The following PCDHA8 variants were observed in gnomAD, a reference collection of about 807,000 sequenced individuals.
PCDHA8 encodes the protein protocadherin alpha 8, also known as protocadherin alpha-8.
In PCDHA8, 53 loss-of-function variants were observed where a neutral mutation model predicts 61.8. That is an observed-to-expected ratio of 0.86 (90% CI 0.69 to 1.08). PCDHA8 has a LOEUF of 1.08. Among genes scored for constraint, PCDHA8 ranks in the 50% least tolerant of loss-of-function variants. PCDHA8 has a pLI of 0.00. For synonymous variants in PCDHA8, 618 were observed against 556.6 expected (o/e 1.11, Z -1.55); for missense variants, 1,293 against 1,245.0 (o/e 1.04, Z -0.58).
intron 1 of PCDHA8, among the ~76,000 whole-genome samples, chr5:140,946,879 G>A (rs246051): frequency 0.56 from 84,931 of 150,730 alleles, 24,535 homozygotes; most frequent in African/African-American, 0.69. Flanking sequence ...CAATGGGTAC[G>A]AAGTTACAAT....
intron 1 of PCDHA8, among the ~76,000 whole-genome samples, chr5:140,910,787 T>G (rs566298433): frequency 2.0e-5 from 3 of 152,196 alleles, no homozygotes; most frequent in Non-Finnish European, 4.4e-5. Flanking sequence ...CAACATTAAA[T>G]GCAGAATCCC....
At position 140,843,279 on chromosome 5, in the gene PCDHA8, A is replaced by T. The variant is rs1778750894; in HGVS notation, c.1958A>T (p.Asp653Val). 3.8e-6 allele frequency: 6 copies of T among 1,595,936 alleles called. 2 individuals carry two copies. Among genetic ancestry groups the T allele is most frequent in the Non-Finnish European group, 4.3e-6 (5 of 1,165,554 alleles). The change falls in exon 1 of 4, where the codon GAT becomes GTT. Residue 653 changes from aspartate (D) to valine (V), a missense_variant. By Grantham distance (152) the Asp-to-Val change is radical. Coordinates refer to ENST00000531613, the MANE Select transcript of PCDHA8 (RefSeq NM_018911.3). The part of the protein sequence containing the change: ...PRHRLLVLVK[D>V]HGEPALTATA... ...CACCGTCTGCTGGTCCTGGTGAAGGATCATGGTGAACCTGCGCTGACCGCC... is the reference window on the plus strand; with the variant it reads ...CACCGTCTGCTGGTCCTGGTGAAGGTTCATGGTGAACCTGCGCTGACCGCC...
Position 140,855,317 on chromosome 5 carries a change from G to A in PCDHA8, c.2394+11602G>A, listed in dbSNP as rs568738789. Among the ~76,000 whole-genome samples, 68 of 149,944 alleles carry A rather than the reference G, an allele frequency of 4.5e-4. 6 individuals are homozygous for A. Among genetic ancestry groups the A allele is most frequent in the African/African-American group, 1.6e-3 (65 of 40,966 alleles). The stretch of plus-strand genomic sequence containing the variant: ...CCAAAGTTATAAAATTGGAACATGA[G>A]GGAGGGAGAGGTTAAACGATTTTCC... On this transcript the variant is annotated intron_variant, in intron 1 of 3. Transcript: ENST00000531613.
In PCDHA8 at chr5:140,842,440, C is replaced by A. The variant is rs1777947165; in HGVS notation, c.1119C>A (p.Ser373Arg). Residue 373 changes from serine (S) to arginine (R), a missense_variant, in exon 1 of 4, where the codon AGC (serine) becomes AGA (arginine). Coordinates refer to ENST00000531613, the MANE Select transcript of PCDHA8 (RefSeq NM_018911.3). ...TTGGTACTGTCATCGCCCTAATTAG[C>A]GTGAACGACCTCGATTCAGGTGCCA... ...AQFGTVIALISVNDLDSGANG... is the reference protein window; with the variant it reads ...AQFGTVIALIRVNDLDSGANG... The A allele has an allele frequency of 1.9e-6, 3 of 1,613,638 alleles. No homozygotes were observed. The South Asian group carries it at 3.3e-5, about 18-fold the overall frequency.
At chr5:140,869,258 TG>T in intron 1 of PCDHA8, 1 of 1,613,558 alleles carries the variant, frequency 6.2e-7, no homozygotes, top group Non-Finnish European at 8.5e-7. Context: ...GCGCAGGACC[TG>T]GGGCTGGAGC....
intron 1 of PCDHA8, among the ~76,000 whole-genome samples, chr5:140,964,670 G>A (rs2095847592): frequency 6.6e-6 from 1 of 151,912 alleles, no homozygotes; most frequent in Non-Finnish European, 1.5e-5. Context: ...CACAGGCCAG[G>A]TCCACAATTT....
intron 1 of PCDHA8, chr5:140,859,420 CT>C (rs2045858037): frequency 8.6e-6 from 2 of 233,034 alleles, no homozygotes; most frequent in Non-Finnish European, 8.1e-6. Context: ...ATGATATAGA[CT>C]CAGAAATGAA....
At chr5:140,876,173 A>T (rs369965805) in intron 1 of PCDHA8, 66 of 1,613,862 alleles carry the variant, frequency 4.1e-5, no homozygotes, top group Middle Eastern at 1.6e-4. Context: ...ACCGTCCTGG[A>T]TGTGAATGAC....
rs116072877 is a variant in PCDHA8 at position 140,927,686 on chromosome 5, A to G, written c.2395-51263A>G. On this transcript the variant is annotated intron_variant, in intron 1 of 3. Transcript: ENST00000531613. ...GCCTTGGATCCAGATGAAGGGTCCA[A>G]TGGGGAAGTCCAGTACTCCCTAAGC... 796 of 1,614,196 alleles carry G rather than the reference A, an allele frequency of 4.9e-4. 3 individuals carry two copies. The African/African-American group carries it at 7.7e-3, about 16-fold the overall frequency.
chr5:140,914,769 T>C (rs2076832006), intron 1 of PCDHA8, among the ~76,000 whole-genome samples: 1 of 152,160 alleles, frequency 6.6e-6, no homozygotes, highest in South Asian at 2.1e-4. Flanking sequence ...ATGAGGTTTA[T>C]GACTTATCTT....
At chr5:140,876,292 A>G in intron 1 of PCDHA8, 1 of 1,614,080 alleles carries the variant, frequency 6.2e-7, no homozygotes, top group Non-Finnish European at 8.5e-7. Context: ...CGAAGGACTT[A>G]ATGGAGAAAT....
intron 1 of PCDHA8, among the ~76,000 whole-genome samples, chr5:140,959,306 T>C (rs1554224009): frequency 6.6e-6 from 1 of 152,072 alleles, no homozygotes. Flanking sequence ...AGCCCGGTGG[T>C]TGAAGCTGCA....
rs2098416892 is a variant in PCDHA8, at chr5:141,010,305, G to A, written c.*368G>A. ...TGACACTTGCAGGGCAGGCTGAAAA[G>A]TTTTGAGATTGAGCAGCTTGGGAGT... is the stretch of plus-strand genomic sequence containing the variant. On this transcript the variant is annotated 3_prime_UTR_variant, in exon 4 of 4. Coordinates refer to ENST00000531613, the MANE Select transcript of PCDHA8 (RefSeq NM_018911.3). 1 of 1,548,478 alleles carries A rather than the reference G, an allele frequency of 6.5e-7. No individual in the cohort carries two copies. The highest frequency in any genetic ancestry group is 2.4e-5 in the East Asian group (1 of 40,890).
At chr5:140,922,139 C>T (rs2080663133) in intron 1 of PCDHA8, among the ~76,000 whole-genome samples, 1 of 151,854 alleles carries the variant, frequency 6.6e-6, no homozygotes, top group South Asian at 2.1e-4. Flanking sequence ...TCTTATCCTC[C>T]ATGAAACTCA....
intron 1 of PCDHA8, chr5:140,930,231 A>C (rs1234850185): frequency 6.6e-6 from 1 of 152,238 alleles, no homozygotes; most frequent in South Asian, 2.1e-4. Context: ...TGCACTTACC[A>C]TCCAAAGTCC....
At chr5:140,851,486 C>T in intron 1 of PCDHA8, 1 of 886,580 alleles carries the variant, frequency 1.1e-6, no homozygotes, top group Non-Finnish European at 1.4e-6. Flanking sequence ...ATAAACACAG[C>T]CTTCATTTCA....
At chr5:140,956,331 C>T (rs1554222358) in intron 1 of PCDHA8, among the ~76,000 whole-genome samples, 1 of 152,064 alleles carries the variant, frequency 6.6e-6, no homozygotes, top group Non-Finnish European at 1.5e-5. Flanking sequence ...TCCTTCAATA[C>T]CTAGTTTATT....
intron 3 of PCDHA8, among the ~76,000 whole-genome samples, chr5:140,990,426 G>A (rs3756324): frequency 0.3 from 46,292 of 152,022 alleles, 7,253 homozygotes; most frequent in East Asian, 0.43. Flanking sequence ...AACCAGCATT[G>A]ACCCAATCTT....
intron 3 of PCDHA8, 63 bp downstream of exon 3, chr5:140,982,626 T>C (rs782343298): frequency 2.5e-5 from 39 of 1,581,800 alleles, no homozygotes; most frequent in Non-Finnish European, 2.8e-5. Context: ...TGACCTACTT[T>C]TGTAAGATCA....
Sources: allele counts gnomAD v4.1 joint callset (sites outside exome capture counted in the v4.1 genomes callset), GRCh38; gene constraint gnomAD v4.1.1; transcripts MANE v1.5; gene names NCBI Gene and HGNC (gene_info 2026-07-23, HGNC 2026-07-21).